Variants in SLX4IP observed in about 807,000 individuals in gnomAD.
The protein encoded by SLX4IP is SLX4 interacting protein, also known as protein SLX4IP.
In SLX4IP, 34 loss-of-function variants were observed where a neutral mutation model predicts 32.9. The ratio of observed to expected loss-of-function variants is 1.03; its 90% confidence interval spans 0.79 to 1.38. The LOEUF is 1.38. SLX4IP is among the 40% of genes most tolerant of loss of function. The pLI, the probability that SLX4IP is intolerant of heterozygous loss-of-function variation, is 0.00. For missense variants in SLX4IP, 444 were observed against 479.0 expected (o/e 0.93, Z 0.68); for synonymous variants, 172 against 171.7 (o/e 1.00, Z -0.01).
At chr20:10,500,130 C>CTTTTTTTTTT (rs34751503) in intron 2 of SLX4IP, among the ~76,000 whole-genome samples, 9 of 90,072 alleles carry the variant, frequency 1.0e-4, no homozygotes, top group Non-Finnish European at 1.4e-4. Flanking sequence ...TGTCAAAATT[C>CTTTTTTTTTT]TTTTTTTTTT....
chr20:10,502,771 C>CT (rs76917011), intron 2 of SLX4IP, among the ~76,000 whole-genome samples: 1,834 of 146,936 alleles, frequency 0.012, 24 homozygotes, highest in Non-Finnish European at 0.019. Context: ...AAATAGTTTC[C>CT]TTTTTTTTTT....
chr20:10,454,744 AT>A (rs2065270821), intron 1 of SLX4IP, among the ~76,000 whole-genome samples: 4 of 151,318 alleles, frequency 2.6e-5, no homozygotes, highest in African/African-American at 9.8e-5. Context: ...TGGAGTTATT[AT>A]TTTTTTTCTT....
intron 2 of SLX4IP, among the ~76,000 whole-genome samples, chr20:10,473,249 T>C (rs770194938): frequency 6.6e-6 from 1 of 152,122 alleles, no homozygotes; most frequent in East Asian, 1.9e-4. Context: ...GGCTAAATGG[T>C]TGAAACCACT....
chr20:10,519,273 TCA>T (rs1422824480), intron 2 of SLX4IP, among the ~76,000 whole-genome samples: 1 of 152,212 alleles, frequency 6.6e-6, no homozygotes, highest in East Asian at 1.9e-4. Flanking sequence ...TTTAGTATCT[TCA>T]CAGAGTTGTG....
Position 10,518,422 on chromosome 20 carries a change from TCCCTCCCTCCC to T in SLX4IP, c.28-37808_28-37798del, listed in dbSNP as rs879912190. Among the ~76,000 whole-genome samples, 263 of 104,910 alleles carry T rather than the reference TCCCTCCCTCCC, an allele frequency of 2.5e-3. 3 individuals are homozygous for T. The highest frequency in any genetic ancestry group is 3.7e-3 in the Non-Finnish European group (175 of 47,188). 68.8% of individuals were successfully genotyped at this position (104,910 alleles called of 152,430 possible). On this transcript the variant is annotated intron_variant, in intron 2 of 7. Coordinates refer to ENST00000334534, the MANE Select transcript of SLX4IP (RefSeq NM_001009608.3). ...TTCTTTCTTTCCTTCCTTCCTTCCT[TCCCTCCCTCCC>T]TCCTTCTTCCTTCCTTCCTTCCTTC...
intron 2 of SLX4IP, among the ~76,000 whole-genome samples, chr20:10,490,193 C>CT (rs71334406): frequency 0.28 from 38,453 of 135,330 alleles, 4,903 homozygotes; most frequent in South Asian, 0.45. Flanking sequence ...GTGGAAATTT[C>CT]TTTTTTTTTT....
At chr20:10,486,037 GAAAA>G (rs2065570460) in intron 2 of SLX4IP, among the ~76,000 whole-genome samples, 1 of 152,034 alleles carries the variant, frequency 6.6e-6, no homozygotes, top group Non-Finnish European at 1.5e-5. Flanking sequence ...AACATTATTG[GAAAA>G]ATCTAGGTAC....
chr20:10,466,544 G>C (rs530330886), intron 2 of SLX4IP, among the ~76,000 whole-genome samples: 167 of 152,170 alleles, frequency 1.1e-3, no homozygotes, highest in Non-Finnish European at 1.5e-3. Flanking sequence ...TGGCAGCCTG[G>C]GAAGATTACA....
chr20:10,435,756 C>T (rs923491052), intron 1 of SLX4IP, among the ~76,000 whole-genome samples: 3 of 152,202 alleles, frequency 2.0e-5, no homozygotes, highest in East Asian at 1.9e-4. Context: ...TCCAGCAGTA[C>T]AAATACCTCC....
In SLX4IP at chr20:10,555,159, CTACTT is replaced by C. The variant is rs1568738097; in HGVS notation, c.28-1070_28-1066del. ...CTGATGGTCTAACCATTTGTTGAAA[CTACTT>C]TCCTTTCACTGTTGATATATAGGAC... On this transcript the variant is annotated intron_variant, in intron 2 of 7. Coordinates refer to ENST00000334534, the MANE Select transcript of SLX4IP (RefSeq NM_001009608.3). 5.9e-5 allele frequency among the ~76,000 whole-genome samples: 9 copies of C among 151,354 alleles called. No individual in the cohort carries two copies. In the South Asian group the frequency reaches 1.9e-3, roughly 32 times the overall value.
chr20:10,527,145 C>A (rs1226439942), intron 2 of SLX4IP, among the ~76,000 whole-genome samples: 1 of 152,154 alleles, frequency 6.6e-6, no homozygotes, highest in Non-Finnish European at 1.5e-5. Flanking sequence ...GATAAACATG[C>A]CATAAACTAG....
At chr20:10,466,069 A>G (rs1247597224) in intron 2 of SLX4IP, among the ~76,000 whole-genome samples, 1 of 152,238 alleles carries the variant, frequency 6.6e-6, no homozygotes, top group East Asian at 1.9e-4. Context: ...CACATAATGT[A>G]ATAGTCATGA....
intron 2 of SLX4IP, among the ~76,000 whole-genome samples, chr20:10,526,040 T>C (rs1467260473): frequency 1.3e-5 from 2 of 152,190 alleles, no homozygotes; most frequent in African/African-American, 4.8e-5. Context: ...ATCACTGGCC[T>C]GTCAGCTGAT....
intron 6 of SLX4IP, among the ~76,000 whole-genome samples, chr20:10,616,788 T>G (rs540371475): frequency 2.6e-5 from 4 of 152,278 alleles, no homozygotes; most frequent in African/African-American, 9.6e-5. Flanking sequence ...CATGGCCCTT[T>G]AGATGTTTAT....
chr20:10,507,988 G>A (rs758877077), intron 2 of SLX4IP, among the ~76,000 whole-genome samples: 8 of 151,826 alleles, frequency 5.3e-5, no homozygotes, highest in Non-Finnish European at 1.2e-4. Flanking sequence ...ACACATTTGT[G>A]TGTGTACGTA....
intron 2 of SLX4IP, among the ~76,000 whole-genome samples, chr20:10,527,630 G>A (rs904271516): frequency 6.6e-6 from 1 of 152,136 alleles, no homozygotes; most frequent in African/African-American, 2.4e-5. Flanking sequence ...CAGGGTACTT[G>A]ACTACACTCA....
chr20:10,552,315 CT>C, intron 2 of SLX4IP, among the ~76,000 whole-genome samples: 1 of 152,188 alleles, frequency 6.6e-6, no homozygotes, highest in Non-Finnish European at 1.5e-5. Context: ...AGTTGATCTT[CT>C]GAGACTAGAA....
chr20:10,501,196 A>G (rs2065715152), intron 2 of SLX4IP, among the ~76,000 whole-genome samples: 1 of 152,202 alleles, frequency 6.6e-6, no homozygotes, highest in African/African-American at 2.4e-5. Flanking sequence ...ATATAATATT[A>G]CCATATTTAG....
intron 2 of SLX4IP, among the ~76,000 whole-genome samples, chr20:10,528,372 G>C (rs2065956816): frequency 6.6e-6 from 1 of 151,982 alleles, no homozygotes; most frequent in Non-Finnish European, 1.5e-5. Context: ...TCCTGGTAAG[G>C]CTGAATCATT....
Sources: allele counts gnomAD v4.1 joint callset (sites outside exome capture counted in the v4.1 genomes callset), GRCh38; gene constraint gnomAD v4.1.1; transcripts MANE v1.5; gene names NCBI Gene and HGNC (gene_info 2026-07-23, HGNC 2026-07-21).